ADAMTS3: variants seen among roughly 807,000 people sequenced by gnomAD.
The protein encoded by ADAMTS3 is ADAM metallopeptidase with thrombospondin type 1 motif 3, also known as A disintegrin and metalloproteinase with thrombospondin motifs 3.
ADAMTS3 carries 73 observed loss-of-function variants against 129.0 expected under a neutral mutation model. The ratio of observed to expected loss-of-function variants is 0.57; its 90% CI spans 0.47 to 0.69. The LOEUF (loss-of-function observed/expected upper bound fraction) is 0.69. Among genes scored for constraint, ADAMTS3 ranks in the 30% least tolerant of loss-of-function variants. The pLI is 0.00. For missense variants in ADAMTS3, 1,457 were observed against 1,514.5 expected (o/e 0.96, Z 0.63); for synonymous variants, 477 against 510.8 (o/e 0.93, Z 0.89).
In ADAMTS3 at chr4:72,305,982, C is replaced by T. The variant is rs2109790610; in HGVS notation, c.2260+5G>A. 6.2e-7 allele frequency: 1 copy of T among 1,609,164 alleles called. No individual in the cohort carries two copies. The highest frequency in any genetic ancestry group is 2.2e-5 in the East Asian group (1 of 44,704). On this transcript the variant is annotated splice_donor_5th_base_variant and intron_variant, in intron 16 of 21. Transcript: ENST00000286657. ...AAAGCAGAGACAGCAGACAGAAACA[C>T]TTACCAAGAATATGAGGAGAAGCCT...
At chr4:72,551,592 A>G (rs1368843957) in intron 2 of ADAMTS3, among the ~76,000 whole-genome samples, 2 of 152,174 alleles carry the variant, frequency 1.3e-5, no homozygotes, top group African/African-American at 2.4e-5. Flanking sequence ...ATGGTAGTTA[A>G]TGGAACTACC....
rs542316513 is a variant in ADAMTS3, at chr4:72,462,826, G to A, written c.505-47855C>T. ...AGAGTTTAAAAGTAAAAAAAAAATCGTAAACATTTATAAAGTAAAAAAGTG... is the reference window on the plus strand; with the variant it reads ...AGAGTTTAAAAGTAAAAAAAAAATCATAAACATTTATAAAGTAAAAAAGTG... On this transcript the variant is annotated intron_variant, in intron 3 of 21. Transcript: ENST00000286657. Among the ~76,000 whole-genome samples, 40 of 151,808 alleles carry A rather than the reference G, an allele frequency of 2.6e-4. No individual in the cohort carries two copies. The South Asian group carries it at 6.6e-3, about 25-fold the overall frequency.
chr4:72,447,378 T>G (rs1363882047), intron 3 of ADAMTS3, among the ~76,000 whole-genome samples: 2 of 151,776 alleles, frequency 1.3e-5, no homozygotes, highest in Admixed American at 6.6e-5. Flanking sequence ...TGACCTCTTT[T>G]CATGCAGCTA....
chr4:72,309,484 C>G lies in ADAMTS3; in HGVS notation c.2092G>C (p.Val698Leu). Residue 698 changes from valine (V) to leucine (L), a missense_variant, in exon 15 of 22, where the codon GTT (valine) becomes CTT (leucine). Physicochemically the swap from Val to Leu is conservative, Grantham distance 32. Transcript: ENST00000286657. ...CCACAGACACCACACTTATCCTCAA[C>G]CTTATTAGAACCAATTTCTTTATCA... The part of the protein sequence containing the change: ...GCDKEIGSNK[V>L]EDKCGVCGGD... 6.2e-7 allele frequency: 1 copy of G among 1,611,976 alleles called. No homozygotes were observed.
chr4:72,351,327 T>TA (rs1720429270), intron 4 of ADAMTS3, among the ~76,000 whole-genome samples: 1 of 151,888 alleles, frequency 6.6e-6, no homozygotes. Flanking sequence ...TAACATGCCT[T>TA]AAAATTTCAA....
intron 5 of ADAMTS3, among the ~76,000 whole-genome samples, chr4:72,334,472 T>C (rs1719939333): frequency 6.6e-6 from 1 of 152,128 alleles, no homozygotes; most frequent in Non-Finnish European, 1.5e-5. Context: ...AATCAACCTA[T>C]TAGAGGACTG....
intron 3 of ADAMTS3, among the ~76,000 whole-genome samples, chr4:72,500,079 A>G (rs1719973047): frequency 6.6e-6 from 1 of 152,150 alleles, no homozygotes; most frequent in African/African-American, 2.4e-5. Context: ...CAGTGCTGTA[A>G]TGAACATACA....
At chr4:72,486,087 G>A (rs1719584580) in intron 3 of ADAMTS3, among the ~76,000 whole-genome samples, 1 of 152,152 alleles carries the variant, frequency 6.6e-6, no homozygotes, top group Non-Finnish European at 1.5e-5. Flanking sequence ...ATGATACCTA[G>A]TACGTGCCTT....
intron 3 of ADAMTS3, among the ~76,000 whole-genome samples, chr4:72,451,597 A>T (rs925603969): frequency 6.6e-6 from 1 of 151,812 alleles, no homozygotes; most frequent in African/African-American, 2.4e-5. Context: ...AACTACAGAC[A>T]CAGAAATAGA....
intron 3 of ADAMTS3, among the ~76,000 whole-genome samples, chr4:72,526,673 C>T (rs1393873452): frequency 5.0e-5 from 7 of 141,246 alleles, no homozygotes; most frequent in Non-Finnish European, 1.1e-4. Flanking sequence ...TAACCATATA[C>T]ACATGCATAT....
At chr4:72,487,834 A>G (rs1719631341) in intron 3 of ADAMTS3, among the ~76,000 whole-genome samples, 1 of 152,098 alleles carries the variant, frequency 6.6e-6, no homozygotes, top group Admixed American at 6.6e-5. Context: ...CTACACTGCT[A>G]GAAGAGTTTA....
In ADAMTS3 at chr4:72,520,213, G is replaced by T. The variant is rs1054475729; in HGVS notation, c.504+28265C>A. Among the ~76,000 whole-genome samples, 40 of 152,178 alleles carry T rather than the reference G, an allele frequency of 2.6e-4. 1 individual carries two copies. Among genetic ancestry groups the T allele is most frequent in the Admixed American group, 1.0e-3 (16 of 15,276 alleles). ...TTCCTCTGGAAGTTTTGTCTCAGAG[G>T]AGTACCCGGCCGTGTGAGGTGTCAG... is the stretch of plus-strand genomic sequence containing the variant. On this transcript the variant is annotated intron_variant, in intron 3 of 21. Transcript: ENST00000286657.
chr4:72,560,709 G>A (rs1721881723), intron 2 of ADAMTS3, among the ~76,000 whole-genome samples: 3 of 152,298 alleles, frequency 2.0e-5, no homozygotes, highest in African/African-American at 4.8e-5. Flanking sequence ...GGAGAAGAGA[G>A]CACTAGGAAA....
chr4:72,379,077 A>T (rs1483128616), intron 4 of ADAMTS3, among the ~76,000 whole-genome samples: 1 of 152,110 alleles, frequency 6.6e-6, no homozygotes, highest in African/African-American at 2.4e-5. Flanking sequence ...ATGTCTGTCT[A>T]CCACTTCACT....
chr4:72,303,900 C>T lies in ADAMTS3; in HGVS notation c.2424+17G>A, dbSNP rs772696312. ...TAAGCTGAGCTAACTATACCATGAGCCCATAATGCCACATACCAAAACAAT... is the reference window on the plus strand; with the variant it reads ...TAAGCTGAGCTAACTATACCATGAGTCCATAATGCCACATACCAAAACAAT... On this transcript the variant is annotated intron_variant, in intron 17 of 21. Coordinates refer to ENST00000286657, the MANE Select transcript of ADAMTS3 (RefSeq NM_014243.3). 1.2e-6 allele frequency: 2 copies of T among 1,611,768 alleles called. No individual in the cohort carries two copies. Among genetic ancestry groups the T allele is most frequent in the Non-Finnish European group, 1.7e-6 (2 of 1,178,596 alleles).
rs190729784 is a variant in ADAMTS3, at chr4:72,557,732, C to A, written c.98-8848G>T. Among the ~76,000 whole-genome samples, 162 of 151,724 alleles carry A rather than the reference C, an allele frequency of 1.1e-3. 2 individuals carry two copies. Among genetic ancestry groups the A allele is most frequent in the Middle Eastern group, 0.01 (3 of 294 alleles). ...CAACACATTCTTTACTGTACTAGAACATGAAATCAGGTAAGAGAAGATATT... is the reference window on the plus strand; with the variant it reads ...CAACACATTCTTTACTGTACTAGAAAATGAAATCAGGTAAGAGAAGATATT... On this transcript the variant is annotated intron_variant, in intron 2 of 21. Transcript: ENST00000286657.
intron 3 of ADAMTS3, among the ~76,000 whole-genome samples, chr4:72,523,291 CTTTG>C (rs897628334): frequency 8.5e-5 from 13 of 152,140 alleles, no homozygotes; most frequent in African/African-American, 2.4e-4. Context: ...AGTAATATCT[CTTTG>C]TTTATTTCTG....
chr4:72,314,566 T>A (rs1459302620), intron 11 of ADAMTS3, among the ~76,000 whole-genome samples: 1 of 152,186 alleles, frequency 6.6e-6, no homozygotes, highest in African/African-American at 2.4e-5. Flanking sequence ...ATAAAAGCAT[T>A]TGTTAAAACT....
chr4:72,394,905 C>T (rs891394413), intron 4 of ADAMTS3, among the ~76,000 whole-genome samples: 11 of 151,190 alleles, frequency 7.3e-5, no homozygotes, highest in African/African-American at 2.4e-4. Context: ...CCCTTTTAGT[C>T]TCCAACATAT....
Sources: gnomAD v4.1 joint callset for allele counts (sites outside exome capture counted in the v4.1 genomes callset) on GRCh38, gnomAD v4.1.1 for gene constraint, MANE v1.5 for transcripts, NCBI Gene and HGNC (gene_info 2026-07-23, HGNC 2026-07-21) for gene names.